The following SSBP3 variants were observed in gnomAD, a reference collection of about 807,000 sequenced individuals.
SSBP3 encodes single stranded DNA binding protein 3, also known as single-stranded DNA-binding protein 3.
In SSBP3, 5 loss-of-function variants were observed where a neutral mutation model predicts 69.6. That is an observed-to-expected ratio of 0.07 (90% CI 0.04 to 0.15). The LOEUF is 0.15. SSBP3 is among the 10% of genes least tolerant of loss of function. The probability of loss-of-function intolerance (pLI) is 1.00; values close to 1 mark genes in which losing one functional copy is unlikely to be tolerated. For synonymous variants in SSBP3, 196 were observed against 193.4 expected, an observed-to-expected ratio of 1.01 and a Z score of -0.11; for missense variants, 312 against 534.0, an observed-to-expected ratio of 0.58 and a Z score of 4.10.
chr1:54,285,795 G>A (rs1645477922), intron 4 of SSBP3, among the ~76,000 whole-genome samples: 1 of 152,208 alleles, frequency 6.6e-6, no homozygotes, highest in South Asian at 2.1e-4. Flanking sequence ...TGCCAGGGCT[G>A]CAGTGGGTGC....
At chr1:54,370,623 A>C (rs568604488) in intron 4 of SSBP3, among the ~76,000 whole-genome samples, 1 of 152,272 alleles carries the variant, frequency 6.6e-6, no homozygotes, top group South Asian at 2.1e-4. Flanking sequence ...CGGGGTAATA[A>C]GCCTTGTCTG....
At chr1:54,322,037 C>G (rs777078459) in intron 4 of SSBP3, among the ~76,000 whole-genome samples, 2 of 152,192 alleles carry the variant, frequency 1.3e-5, no homozygotes, top group Non-Finnish European at 2.9e-5. Flanking sequence ...AATAGGTCTA[C>G]CAGACCTCAA....
At chr1:54,320,141 G>A (rs1172761473) in intron 4 of SSBP3, among the ~76,000 whole-genome samples, 1 of 152,128 alleles carries the variant, frequency 6.6e-6, no homozygotes, top group Non-Finnish European at 1.5e-5. Flanking sequence ...TAGCAGAAGA[G>A]TCAAATGCCA....
chr1:54,336,308 G>A (rs569539879), intron 4 of SSBP3, among the ~76,000 whole-genome samples: 17 of 152,346 alleles, frequency 1.1e-4, no homozygotes, highest in African/African-American at 3.8e-4. Context: ...GGCCCCCCAC[G>A]TTGGGGGACT....
intron 5 of SSBP3, among the ~76,000 whole-genome samples, chr1:54,268,597 G>C (rs534118585): frequency 1.3e-5 from 2 of 152,252 alleles, no homozygotes; most frequent in Admixed American, 6.5e-5. Context: ...GAGCAGAAGA[G>C]GGCTAAGAAC....
intron 4 of SSBP3, among the ~76,000 whole-genome samples, chr1:54,294,179 GAAAGAAAGAAAGA>G (rs1557504959): frequency 8.9e-6 from 1 of 112,594 alleles, no homozygotes; most frequent in Admixed American, 1.0e-4. Flanking sequence ...AAGAAAGAAA[GAAAGAAAGAAAGA>G]AAAGAAAAAA....
intron 15 of SSBP3, 33 bp from the exon 16 acceptor site, chr1:54,228,510 T>A: frequency 6.2e-7 from 1 of 1,613,968 alleles, no homozygotes; most frequent in Admixed American, 1.7e-5. Flanking sequence ...TTCAGTTTCT[T>A]GCTTGCTCTT....
intron 4 of SSBP3, among the ~76,000 whole-genome samples, chr1:54,289,057 A>C (rs916906147): frequency 3.8e-5 from 5 of 129,910 alleles, no homozygotes; most frequent in East Asian, 2.0e-4. Context: ...AAAAAAAAAA[A>C]CAGTAATGTC....
At chr1:54,294,914 C>G (rs1445213960) in intron 4 of SSBP3, among the ~76,000 whole-genome samples, 1 of 152,038 alleles carries the variant, frequency 6.6e-6, no homozygotes, top group East Asian at 1.9e-4. Context: ...CCTGCGATAC[C>G]TTCCTCCACT....
intron 5 of SSBP3, 75 bp downstream of exon 5, chr1:54,281,363 C>T: frequency 7.9e-7 from 1 of 1,267,986 alleles, no homozygotes; most frequent in Non-Finnish European, 1.1e-6. Flanking sequence ...TTACTTCTCT[C>T]CCGCCCTCCC....
Position 54,245,089 on chromosome 1 carries a change from C to T in SSBP3, c.652-1790G>A, listed in dbSNP as rs185253330. Among the ~76,000 whole-genome samples, 8 of 152,322 alleles carry T rather than the reference C, an allele frequency of 5.3e-5. No individual in the cohort carries two copies. The East Asian group carries it at 1.5e-3, about 29-fold the overall frequency. ...GACCGAAGAAGGGAATGCATGAAGA[C>T]CAAAGGGAGCCTGGCTGCAGCTTAA... On this transcript the variant is annotated intron_variant, in intron 9 of 17. Coordinates refer to ENST00000610401, the Ensembl canonical transcript of SSBP3.
chr1:54,361,234 T>C (rs1646947509), intron 4 of SSBP3, among the ~76,000 whole-genome samples: 1 of 152,210 alleles, frequency 6.6e-6, no homozygotes, highest in Admixed American at 6.5e-5. Flanking sequence ...GAGATGCTAA[T>C]TCAGGACAAA....
chr1:54,233,530 G>A (rs1441910995), intron 14 of SSBP3, among the ~76,000 whole-genome samples: 2 of 147,182 alleles, frequency 1.4e-5, no homozygotes, highest in Non-Finnish European at 3.0e-5. Context: ...CCGTCCGGGA[G>A]GGAGGTGGGG....
At chr1:54,318,988 GGCTTGGAAACACT>G (rs1429008598) in intron 4 of SSBP3, among the ~76,000 whole-genome samples, 1 of 152,152 alleles carries the variant, frequency 6.6e-6, no homozygotes, top group Non-Finnish European at 1.5e-5. Flanking sequence ...AGCGAATTGA[GGCTTGGAAACACT>G]GCAATTCTTT....
chr1:54,358,701 C>T lies in SSBP3; in HGVS notation c.276+43160G>A, dbSNP rs117902469. ...TCCTAGCTGGACAGCGCTGTGGGGACGATGGATGCAAGAGAGGATTGCAAG... is the reference window on the plus strand; with the variant it reads ...TCCTAGCTGGACAGCGCTGTGGGGATGATGGATGCAAGAGAGGATTGCAAG... On this transcript the variant is annotated intron_variant, in intron 4 of 17. Coordinates refer to ENST00000610401, the Ensembl canonical transcript of SSBP3. Among the ~76,000 whole-genome samples, 1,053 of 152,248 alleles carry T rather than the reference C, an allele frequency of 6.9e-3. 30 individuals are homozygous for T. The East Asian group carries it at 0.084, about 12-fold the overall frequency.
intron 4 of SSBP3, among the ~76,000 whole-genome samples, chr1:54,309,363 T>TGGCGAGTGAG (rs964858758): frequency 2.0e-5 from 3 of 152,216 alleles, no homozygotes; most frequent in African/African-American, 7.2e-5. Context: ...AAGTTGACAT[T>TGGCGAGTGAG]GGCGAGTGAA....
chr1:54,327,718 C>T (rs1439377307), intron 4 of SSBP3, among the ~76,000 whole-genome samples: 1 of 152,108 alleles, frequency 6.6e-6, no homozygotes, highest in Non-Finnish European at 1.5e-5. Context: ...GAAACATTTT[C>T]TATGAATTTT....
At chr1:54,320,086 C>G (rs573633497) in intron 4 of SSBP3, among the ~76,000 whole-genome samples, 7 of 152,284 alleles carry the variant, frequency 4.6e-5, no homozygotes, top group African/African-American at 1.7e-4. Flanking sequence ...GGTGAATCTT[C>G]AGAGGTGAAT....
chr1:54,255,703 T>C (rs546437151), intron 7 of SSBP3: 2 of 151,068 alleles, frequency 1.3e-5, no homozygotes, highest in African/African-American at 4.9e-5. Context: ...TCAGAGAAAA[T>C]AGAAAATGAA....
Sources: gnomAD v4.1 joint callset for allele counts (sites outside exome capture counted in the v4.1 genomes callset) on GRCh38, gnomAD v4.1.1 for gene constraint, MANE v1.5 for transcripts, NCBI Gene and HGNC (gene_info 2026-07-23, HGNC 2026-07-21) for gene names.